The following CCDC73 variants were observed in gnomAD, a reference collection of about 807,000 sequenced individuals.
CCDC73 encodes the protein coiled-coil domain-containing protein 73.
A neutral mutation model predicts 116.5 loss-of-function variants in CCDC73; 95 were observed. That is an observed-to-expected ratio of 0.82 (90% CI 0.69 to 0.97). The LOEUF (loss-of-function observed/expected upper bound fraction) is 0.97, where lower values mean the gene tolerates loss of function less well. CCDC73 is among the 50% of genes least tolerant of loss of function. CCDC73 has a pLI of 0.00. For synonymous variants in CCDC73, 398 were observed against 401.3 expected, an observed-to-expected ratio of 0.99 and a Z score of 0.10; for missense variants, 1,066 against 1,206.8, an observed-to-expected ratio of 0.88 and a Z score of 1.73.
intron 17 of CCDC73, among the ~76,000 whole-genome samples, chr11:32,608,609 A>G (rs1855384212): frequency 6.6e-6 from 1 of 152,152 alleles, no homozygotes. Context: ...TATGGGGTCT[A>G]GAGGATGGTG....
intron 14 of CCDC73, among the ~76,000 whole-genome samples, chr11:32,618,314 A>G (rs1855492515): frequency 6.6e-6 from 1 of 152,078 alleles, no homozygotes; most frequent in African/African-American, 2.4e-5. Flanking sequence ...GGTCTTTGCT[A>G]TTGTGAACAG....
At chr11:32,661,216 T>C (rs1242089743) in intron 9 of CCDC73, among the ~76,000 whole-genome samples, 1 of 152,172 alleles carries the variant, frequency 6.6e-6, no homozygotes, top group African/African-American at 2.4e-5. Flanking sequence ...GCTGGTAGTT[T>C]AGGAGCATGA....
chr11:32,625,698 C>A (rs1408048408), intron 14 of CCDC73, among the ~76,000 whole-genome samples: 2 of 152,018 alleles, frequency 1.3e-5, no homozygotes, highest in Non-Finnish European at 2.9e-5. Context: ...TAAACATAAT[C>A]CAGCATATAA....
Position 32,753,936 on chromosome 11 carries a change from G to T in CCDC73, c.135+6173C>A, listed in dbSNP as rs201062702. Among the ~76,000 whole-genome samples the T allele has an allele frequency of 1.6e-3, 251 of 152,214 alleles. 1 individual carries two copies. The highest frequency in any genetic ancestry group is 2.9e-3 in the Non-Finnish European group (199 of 68,008). On this transcript the variant is annotated intron_variant, in intron 2 of 17. Coordinates refer to ENST00000335185, the MANE Select transcript of CCDC73 (RefSeq NM_001008391.4). ...CCTGGGTTTTATTTTTGTGTATAAGGTATGTATGAATGCTCCTAATACCAC... is the reference window on the plus strand; with the variant it reads ...CCTGGGTTTTATTTTTGTGTATAAGTTATGTATGAATGCTCCTAATACCAC...
At chr11:32,728,138 C>G (rs987145746) in intron 2 of CCDC73, among the ~76,000 whole-genome samples, 1 of 151,926 alleles carries the variant, frequency 6.6e-6, no homozygotes, top group African/African-American at 2.4e-5. Flanking sequence ...GTGGTCCCAG[C>G]TACTCAGGAG....
At chr11:32,739,860 T>C (rs549654327) in intron 2 of CCDC73, among the ~76,000 whole-genome samples, 1 of 151,092 alleles carries the variant, frequency 6.6e-6, no homozygotes, top group Non-Finnish European at 1.5e-5. Flanking sequence ...TATGCTCCTT[T>C]TATATCCAGT....
chr11:32,806,630 CAA>C, the CCDC73 span, among the ~76,000 whole-genome samples: 29 of 125,512 alleles, frequency 2.3e-4, no homozygotes, highest in Non-Finnish European at 2.2e-4. Context: ...AGACCTGTCT[CAA>C]AAAAAAAAAA....
chr11:32,705,918 A>G (rs754424836), intron 3 of CCDC73, among the ~76,000 whole-genome samples: 2 of 151,596 alleles, frequency 1.3e-5, no homozygotes, highest in Non-Finnish European at 2.9e-5. Flanking sequence ...TTCTCATACA[A>G]CTTTGTTTTT....
At chr11:32,734,018 C>T (rs1228013899) in intron 2 of CCDC73, among the ~76,000 whole-genome samples, 1 of 152,082 alleles carries the variant, frequency 6.6e-6, no homozygotes, top group Non-Finnish European at 1.5e-5. Flanking sequence ...AATTGATTAA[C>T]CACTAGCAAG....
At chr11:32,631,856 A>ACAGG (rs1855634460) in intron 14 of CCDC73, among the ~76,000 whole-genome samples, 2 of 152,044 alleles carry the variant, frequency 1.3e-5, no homozygotes, top group South Asian at 2.1e-4. Flanking sequence ...CAATAGACAT[A>ACAGG]TAGGCAGGCA....
At chr11:32,810,359 A>T in the CCDC73 span, among the ~76,000 whole-genome samples, 1 of 152,080 alleles carries the variant, frequency 6.6e-6, no homozygotes, top group African/African-American at 2.4e-5. Flanking sequence ...TGGTTGAGAG[A>T]CTCTCTAACT....
At chr11:32,700,660 AGTTT>A in intron 5 of CCDC73, 127 bp downstream of exon 5, 1 of 480,942 alleles carries the variant, frequency 2.1e-6, no homozygotes. Context: ...CATCTCTATT[AGTTT>A]GTTACTAATG....
In CCDC73 at chr11:32,721,955, T is replaced by C. The variant is rs756683513; in HGVS notation, c.136-3808A>G. ...ACATACATACACATATATACACTTA[T>C]GCTATGTTACTCAAAGATAGACTTT... is the stretch of plus-strand genomic sequence containing the variant. On this transcript the variant is annotated intron_variant, in intron 2 of 17. Transcript: ENST00000335185. Among the ~76,000 whole-genome samples the C allele has an allele frequency of 1.2e-4, 19 of 152,306 alleles. No homozygotes were observed. The South Asian group carries it at 2.9e-3, about 23-fold the overall frequency.
At chr11:32,728,774 A>G (rs1261981331) in intron 2 of CCDC73, among the ~76,000 whole-genome samples, 1 of 152,022 alleles carries the variant, frequency 6.6e-6, no homozygotes, top group Non-Finnish European at 1.5e-5. Context: ...GTGTGATCTC[A>G]GCTCACTGCA....
chr11:32,692,212 A>T (rs1036821054), intron 6 of CCDC73, among the ~76,000 whole-genome samples: 2 of 152,008 alleles, frequency 1.3e-5, no homozygotes, highest in Non-Finnish European at 2.9e-5. Flanking sequence ...CATTTTTTTC[A>T]TATGGATATC....
In CCDC73 at chr11:32,654,139, C is replaced by T. The variant is rs570970395; in HGVS notation, c.775-102G>A. ...TTTGGAGTGTTATGACCTATTCCTA[C>T]CCCCAGAGTACCCACATTTGTTTTT... On this transcript the variant is annotated intron_variant, in intron 10 of 17. Transcript: ENST00000335185. 4.0e-6 allele frequency: 4 copies of T among 1,001,818 alleles called. No individual in the cohort carries two copies. The African/African-American group carries it at 5.0e-5, about 12-fold the overall frequency. The allele number at this position is 1,001,818 out of a possible 1,614,324, so 62.1% of individuals were successfully genotyped here. A position where few individuals can be genotyped will look rare whatever the true frequency, so the allele number is the denominator to read the frequency against.
chr11:32,706,604 C>T (rs919477575), intron 3 of CCDC73, among the ~76,000 whole-genome samples: 1 of 152,116 alleles, frequency 6.6e-6, no homozygotes, highest in Non-Finnish European at 1.5e-5. Context: ...AATGACACTG[C>T]TATGGGGAGA....
chr11:32,669,972 G>A (rs1032767815), intron 9 of CCDC73, among the ~76,000 whole-genome samples: 1 of 152,098 alleles, frequency 6.6e-6, no homozygotes. Flanking sequence ...TTCTTTGGGT[G>A]TATACCCAGC....
At chr11:32,786,732 A>T (rs915039659) in intron 1 of CCDC73, among the ~76,000 whole-genome samples, 11 of 151,968 alleles carry the variant, frequency 7.2e-5, no homozygotes, top group African/African-American at 2.4e-4. Flanking sequence ...TAAAAATTAC[A>T]TCTTAAATAC....
Sources: gnomAD v4.1 joint callset for allele counts (sites outside exome capture counted in the v4.1 genomes callset) on GRCh38, gnomAD v4.1.1 for gene constraint, MANE v1.5 for transcripts, NCBI Gene and HGNC (gene_info 2026-07-23, HGNC 2026-07-21) for gene names.